DLG2: variants seen among roughly 807,000 people sequenced by gnomAD.
DLG2 encodes disks large homolog 2.
Under a neutral mutation model 132.5 loss-of-function variants are expected in DLG2, and 45 were observed. That is an observed-to-expected ratio of 0.34 (90% CI 0.27 to 0.44). The LOEUF is 0.44. Ranked by LOEUF, DLG2 falls within the 20% of genes least tolerant of loss-of-function variation. DLG2 has a pLI of 1.00. For synonymous variants in DLG2, 424 were observed against 419.6 expected (o/e 1.01, Z -0.13); for missense variants, 1,045 against 1,196.9 (o/e 0.87, Z 1.87).
intron 3 of DLG2, among the ~76,000 whole-genome samples, chr11:85,448,127 C>T (rs545351860): frequency 1.3e-5 from 2 of 152,094 alleles, no homozygotes; most frequent in Admixed American, 6.6e-5. Context: ...CAAATTAAAG[C>T]GATTTTTATA....
At chr11:84,272,229 A>G (rs2097734156) in intron 7 of DLG2, 4 of 398,048 alleles carry the variant, frequency 1.0e-5, no homozygotes, top group South Asian at 5.5e-5. Flanking sequence ...TCGAAGTTAC[A>G]GGGAAAAATA....
intron 11 of DLG2, among the ~76,000 whole-genome samples, chr11:84,033,138 A>G (rs2095754877): frequency 6.6e-6 from 1 of 152,170 alleles, no homozygotes; most frequent in Non-Finnish European, 1.5e-5. Flanking sequence ...TTAATTTTTA[A>G]AAGTCTTATT....
At chr11:84,602,197 T>A (rs917430979) in intron 6 of DLG2, among the ~76,000 whole-genome samples, 1 of 151,898 alleles carries the variant, frequency 6.6e-6, no homozygotes, top group African/African-American at 2.4e-5. Context: ...TTCCTAGAGA[T>A]GGAGAAGTAG....
At chr11:83,691,528 T>C (rs1346947468) in intron 18 of DLG2, among the ~76,000 whole-genome samples, 1 of 152,178 alleles carries the variant, frequency 6.6e-6, no homozygotes, top group Non-Finnish European at 1.5e-5. Flanking sequence ...AAAGGACGTG[T>C]GATGGAATGC....
intron 9 of DLG2, among the ~76,000 whole-genome samples, chr11:84,147,810 A>G (rs2095141006): frequency 6.6e-6 from 1 of 152,182 alleles, no homozygotes; most frequent in African/African-American, 2.4e-5. Context: ...GATATAGTCA[A>G]ATAATCATAG....
intron 9 of DLG2, among the ~76,000 whole-genome samples, chr11:84,099,629 T>C (rs1472344115): frequency 1.3e-5 from 2 of 151,440 alleles, no homozygotes; most frequent in East Asian, 3.9e-4. Context: ...GCAATAGCAA[T>C]AGAAAAGGCA....
At chr11:85,371,016 G>T (rs191977155) in intron 3 of DLG2, among the ~76,000 whole-genome samples, 74 of 152,224 alleles carry the variant, frequency 4.9e-4, no homozygotes, top group African/African-American at 1.7e-3. Flanking sequence ...TGACATGAGT[G>T]TTTCTGCTTG....
rs182301553 is a variant in DLG2, at chr11:85,030,652, G to A, written c.357+81009C>T. Among the ~76,000 whole-genome samples, 16 of 152,114 alleles carry A rather than the reference G, an allele frequency of 1.1e-4. No individual in the cohort carries two copies. The East Asian group carries it at 2.5e-3, about 24-fold the overall frequency. On this transcript the variant is annotated intron_variant, in intron 6 of 27. Transcript: ENST00000376104. ...CAATAAATTAAAAAAATTGGAAATC[G>A]CTGCCAACTTTCGTCAAATGTTTTA...
intron 8 of DLG2, among the ~76,000 whole-genome samples, chr11:84,225,196 A>C (rs1388439879): frequency 1.3e-5 from 2 of 152,194 alleles, no homozygotes; most frequent in East Asian, 3.8e-4. Flanking sequence ...TCCCTCAGTG[A>C]ATATTTCTGT....
intron 6 of DLG2, among the ~76,000 whole-genome samples, chr11:85,002,550 A>G (rs1326212787): frequency 6.6e-6 from 1 of 152,156 alleles, no homozygotes; most frequent in East Asian, 1.9e-4. Flanking sequence ...ATCTAAAAGT[A>G]CTGGTAGAAC....
chr11:84,078,700 T>C (rs1055328203), intron 10 of DLG2, among the ~76,000 whole-genome samples: 1 of 152,196 alleles, frequency 6.6e-6, no homozygotes, highest in Non-Finnish European at 1.5e-5. Flanking sequence ...TTTAGAAAGC[T>C]CTGCTCTAAC....
intron 18 of DLG2, among the ~76,000 whole-genome samples, chr11:83,656,706 T>C (rs904758449): frequency 6.6e-6 from 1 of 152,250 alleles, no homozygotes; most frequent in Admixed American, 6.5e-5. Flanking sequence ...TTGATCCCAA[T>C]GCAATCTGCT....
At chr11:85,560,092 T>G (rs1311585458) in intron 3 of DLG2, among the ~76,000 whole-genome samples, 1 of 151,876 alleles carries the variant, frequency 6.6e-6, no homozygotes, top group Non-Finnish European at 1.5e-5. Context: ...ATACCAAATG[T>G]TTGCAAGGAT....
In DLG2 at chr11:83,459,685, T is replaced by C. The variant is rs559632141; in HGVS notation, c.*133A>G. ...TCATGGCTTCATACAGTTTGTGTTG[T>C]ACATTCGTAAGAATTCACATTGACT... On this transcript the variant is annotated 3_prime_UTR_variant, in exon 28 of 28. Coordinates refer to ENST00000376104, the MANE Select transcript of DLG2 (RefSeq NM_001142699.3). 7.3e-5 allele frequency: 44 copies of C among 604,788 alleles called. No individual in the cohort carries two copies. In the South Asian group the frequency reaches 8.8e-4, roughly 12 times the overall value. 37.5% of individuals were successfully genotyped at this position (604,788 alleles called of 1,614,324 possible).
chr11:84,680,893 G>A (rs1455297427), intron 6 of DLG2, among the ~76,000 whole-genome samples: 2 of 152,178 alleles, frequency 1.3e-5, no homozygotes, highest in Non-Finnish European at 2.9e-5. Context: ...ACAGAGAAAA[G>A]TAGATTCTTT....
At chr11:83,944,765 C>T (rs995489669) in intron 14 of DLG2, among the ~76,000 whole-genome samples, 2 of 152,140 alleles carry the variant, frequency 1.3e-5, no homozygotes, top group African/African-American at 4.8e-5. Flanking sequence ...AAGCCAGGCA[C>T]AGTGAAAAGT....
chr11:85,297,925 A>C (rs962946552), intron 3 of DLG2, among the ~76,000 whole-genome samples: 12 of 152,224 alleles, frequency 7.9e-5, no homozygotes, highest in Non-Finnish European at 1.5e-4. Context: ...AATAGGCTAC[A>C]TAATGTCTGA....
At chr11:84,360,444 C>T (rs1218705970) in intron 7 of DLG2, among the ~76,000 whole-genome samples, 2 of 151,996 alleles carry the variant, frequency 1.3e-5, no homozygotes, top group East Asian at 1.9e-4. Context: ...CTATAAATAA[C>T]TGGAAAACAA....
intron 6 of DLG2, among the ~76,000 whole-genome samples, chr11:84,907,809 G>A (rs150693127): frequency 3.2e-3 from 491 of 152,262 alleles, no homozygotes; most frequent in Middle Eastern, 0.02. Context: ...TCATGCACTT[G>A]AGAGGCTGTA....
Sources: gnomAD v4.1 joint callset for allele counts (sites outside exome capture counted in the v4.1 genomes callset) on GRCh38, gnomAD v4.1.1 for gene constraint, MANE v1.5 for transcripts, NCBI Gene and HGNC (gene_info 2026-07-23, HGNC 2026-07-21) for gene names.